AGBL4: variants seen among roughly 807,000 people sequenced by gnomAD.
AGBL4 encodes AGBL carboxypeptidase 4.
A neutral mutation model predicts 66.4 loss-of-function variants in AGBL4; 58 were observed. The observed-to-expected ratio is 0.87, with a 90% CI of 0.71 to 1.09. AGBL4 has a LOEUF of 1.09. Ranked by LOEUF, AGBL4 falls within the 50% of genes least tolerant of loss-of-function variation. The pLI is 0.00. For missense variants in AGBL4, 579 were observed against 631.0 expected, an observed-to-expected ratio of 0.92 and a Z score of 0.88; for synonymous variants, 234 against 222.9, an observed-to-expected ratio of 1.05 and a Z score of -0.44.
intron 3 of AGBL4, among the ~76,000 whole-genome samples, chr1:49,480,430 G>A (rs927316623): frequency 1.1e-4 from 16 of 150,394 alleles, no homozygotes; most frequent in African/African-American, 3.7e-4. Flanking sequence ...CCACTTGCAT[G>A]TCTTCTTTTG....
At chr1:49,664,554 A>G (rs1012435711) in intron 3 of AGBL4, among the ~76,000 whole-genome samples, 2 of 152,220 alleles carry the variant, frequency 1.3e-5, no homozygotes, top group Non-Finnish European at 2.9e-5. Context: ...TATTATTACT[A>G]GTAATAAAGC....
chr1:49,250,951 G>C (rs1024146484), intron 3 of AGBL4, among the ~76,000 whole-genome samples: 3 of 152,154 alleles, frequency 2.0e-5, no homozygotes, highest in Admixed American at 2.0e-4. Flanking sequence ...GTGGAGCACC[G>C]CCAGGGACCA....
At chr1:49,511,904 A>G (rs1180470448) in intron 3 of AGBL4, among the ~76,000 whole-genome samples, 2 of 152,064 alleles carry the variant, frequency 1.3e-5, no homozygotes, top group African/African-American at 4.8e-5. Context: ...AACTTCAGAA[A>G]GATAACTAGA....
At chr1:49,196,205 A>G (rs6588306) in intron 4 of AGBL4, among the ~76,000 whole-genome samples, 84,984 of 152,010 alleles carry the variant, frequency 0.56, 24,398 homozygotes, top group Middle Eastern at 0.63. Flanking sequence ...CATACTTCTC[A>G]AGGCTTTGTT....
intron 6 of AGBL4, among the ~76,000 whole-genome samples, chr1:48,766,351 T>C (rs1335837318): frequency 5.9e-5 from 9 of 152,198 alleles, no homozygotes; most frequent in Admixed American, 5.9e-4. Flanking sequence ...AACACATTCC[T>C]GGAACATGGT....
intron 6 of AGBL4, among the ~76,000 whole-genome samples, chr1:48,839,256 C>T (rs1167771597): frequency 6.6e-6 from 1 of 151,966 alleles, no homozygotes; most frequent in African/African-American, 2.4e-5. Flanking sequence ...TTCATAACAG[C>T]CAAGATACTG....
chr1:49,207,711 C>G (rs534510603), intron 4 of AGBL4, among the ~76,000 whole-genome samples: 2 of 151,684 alleles, frequency 1.3e-5, no homozygotes, highest in African/African-American at 4.8e-5. Flanking sequence ...CCCACCTCAG[C>G]CCCCCAAGTA....
At chr1:49,706,337 G>A (rs1281913707) in intron 2 of AGBL4, among the ~76,000 whole-genome samples, 1 of 152,174 alleles carries the variant, frequency 6.6e-6, no homozygotes, top group African/African-American at 2.4e-5. Flanking sequence ...TATCTGCATA[G>A]AGGTGTTTAA....
intron 2 of AGBL4, among the ~76,000 whole-genome samples, chr1:49,830,946 T>C (rs1295191146): frequency 6.6e-6 from 1 of 152,176 alleles, no homozygotes; most frequent in Non-Finnish European, 1.5e-5. Flanking sequence ...CTGAGGCCTC[T>C]GTTCTGTTCT....
At chr1:49,561,847 G>A (rs1354128293) in intron 3 of AGBL4, among the ~76,000 whole-genome samples, 3 of 152,050 alleles carry the variant, frequency 2.0e-5, no homozygotes, top group Middle Eastern at 3.4e-3. Flanking sequence ...TGGGTCAAAT[G>A]GTATTTCTAG....
At position 49,695,669 on chromosome 1, in the gene AGBL4, T is replaced by C. The variant is rs370164067; in HGVS notation, c.282+1644A>G. Among the ~76,000 whole-genome samples the C allele has an allele frequency of 4.6e-5, 7 of 152,212 alleles. No homozygotes were observed. The East Asian group carries it at 1.2e-3, about 25-fold the overall frequency. On this transcript the variant is annotated intron_variant, in intron 3 of 13. Coordinates refer to ENST00000371839, the MANE Select transcript of AGBL4 (RefSeq NM_032785.4). ...ACTAAAGTTTGTCCTTAAGAGGCTC[T>C]CTGTGTGTGGTGTAACTTTTTCTCC... is the stretch of plus-strand genomic sequence containing the variant.
intron 1 of AGBL4, among the ~76,000 whole-genome samples, chr1:49,957,472 C>T (rs1458073419): frequency 1.3e-5 from 2 of 151,652 alleles, no homozygotes; most frequent in Non-Finnish European, 2.9e-5. Flanking sequence ...TAAAGTCTCC[C>T]ATTATTATTG....
intron 3 of AGBL4, among the ~76,000 whole-genome samples, chr1:49,379,003 C>T (rs141758594): frequency 5.3e-5 from 8 of 152,174 alleles, no homozygotes; most frequent in Middle Eastern, 3.4e-3. Flanking sequence ...ACCCATATAT[C>T]AAACTGGAAG....
chr1:48,749,915 G>T (rs1651403747), intron 6 of AGBL4, among the ~76,000 whole-genome samples: 1 of 152,218 alleles, frequency 6.6e-6, no homozygotes, highest in African/African-American at 2.4e-5. Flanking sequence ...CTGGGTTGGG[G>T]GGCTAAGGAG....
chr1:49,014,470 A>G (rs887014852), intron 5 of AGBL4, among the ~76,000 whole-genome samples: 2 of 152,164 alleles, frequency 1.3e-5, no homozygotes, highest in Non-Finnish European at 2.9e-5. Context: ...AAAATAATCT[A>G]TGAGGGATGC....
intron 3 of AGBL4, among the ~76,000 whole-genome samples, chr1:49,418,099 A>G (rs1249570420): frequency 6.6e-6 from 1 of 152,286 alleles, no homozygotes; most frequent in African/African-American, 2.4e-5. Flanking sequence ...TTTCTAGTCT[A>G]GCTAAATTCC....
At chr1:48,776,709 G>A in intron 6 of AGBL4, 3 of 1,522,666 alleles carry the variant, frequency 2.0e-6, no homozygotes, top group Non-Finnish European at 2.6e-6. Flanking sequence ...CCGGGCCCCG[G>A]TACACGGCGT....
chr1:49,433,005 C>T (rs1645820750), intron 3 of AGBL4, among the ~76,000 whole-genome samples: 1 of 152,068 alleles, frequency 6.6e-6, no homozygotes, highest in African/African-American at 2.4e-5. Context: ...AATGAAGCCT[C>T]CAAAAAACCC....
chr1:49,561,406 A>G (rs1026343076), intron 3 of AGBL4, among the ~76,000 whole-genome samples: 2 of 151,754 alleles, frequency 1.3e-5, no homozygotes, highest in Non-Finnish European at 2.9e-5. Context: ...TGCTGCACCC[A>G]TTGACTCGTC....
Sources: allele counts gnomAD v4.1 joint callset (sites outside exome capture counted in the v4.1 genomes callset), GRCh38; gene constraint gnomAD v4.1.1; transcripts MANE v1.5; gene names NCBI Gene and HGNC (gene_info 2026-07-23, HGNC 2026-07-21).